Variants in ARMCX6 observed in about 807,000 individuals in gnomAD.
ARMCX6 encodes the protein armadillo repeat containing X-linked 6, also known as protein ARMCX6.
For synonymous variants in ARMCX6, 85 were observed against 70.3 expected, an observed-to-expected ratio of 1.21 and a Z score of -1.05; for missense variants, 194 against 186.0, an observed-to-expected ratio of 1.04 and a Z score of -0.25.
At chrX:101,617,325 C>G (rs781960540) in intron 2 of ARMCX6, 178 bp downstream of exon 2, 1 of 111,862 alleles carries the variant, frequency 8.9e-6, no homozygotes, top group Non-Finnish European at 1.9e-5. Flanking sequence ...CCCCACTTGT[C>G]GTCCGCCATT....
chrX:101,616,478 T>G lies in ARMCX6; in HGVS notation c.143A>C (p.Asp48Ala). ...EEEGEEEWDD[D>A]QELDEEEPDI... ...AGGCTCCTCCTCATCCAGCTCCTGGTCATCGTCCCACTCCTCTTCCCCCTC... is the reference window on the plus strand; with the variant it reads ...AGGCTCCTCCTCATCCAGCTCCTGGGCATCGTCCCACTCCTCTTCCCCCTC... Residue 48 changes from aspartate (D) to alanine (A), a missense_variant, in exon 3 of 3, where the codon GAC (aspartate) becomes GCC (alanine). Asp to Ala is a moderately radical substitution (Grantham distance 126, BLOSUM62 -2). Coordinates refer to ENST00000361910, the MANE Select transcript of ARMCX6 (RefSeq NM_019007.4). The G allele has an allele frequency of 3.3e-6, 4 of 1,211,531 alleles. No homozygotes were observed. The highest frequency in any genetic ancestry group is 4.5e-6 in the Non-Finnish European group (4 of 895,363).
Position 101,616,069 on chromosome X carries a change from T to G in ARMCX6, c.552A>C (p.Leu184Phe). 1 of 1,118,112 alleles carries G rather than the reference T, an allele frequency of 8.9e-7. No individual in the cohort carries two copies. The highest frequency in any genetic ancestry group is 1.2e-6 in the Non-Finnish European group (1 of 837,428). The allele number at this position is 1,118,112 out of a possible 1,213,427, so 92.1% of individuals were successfully genotyped here. ...VREALCAPDN[L>F]NASIESQGQI... The stretch of plus-strand genomic sequence containing the variant: ...GGCCCTGACTTTCAATACTCGCATT[T>G]AAGTTATCCGGGGCACACAAAGCCT... Residue 184 changes from leucine (L) to phenylalanine (F), a missense_variant, in exon 3 of 3, where the codon TTA (leucine) becomes TTC (phenylalanine). Leu to Phe is a conservative substitution (Grantham distance 22). Transcript: ENST00000361910.
At position 101,616,363 on chromosome X, in the gene ARMCX6, G is replaced by A; in HGVS notation, c.258C>T (p.Asp86=). The change falls in exon 3 of 3, where the codon GAC becomes GAT. Residue 86 remains aspartate, a synonymous_variant. Transcript: ENST00000361910. The part of the protein sequence containing the change: ...TEPGAPGGTE[D]RPSGGGKANR... The stretch of plus-strand genomic sequence containing the variant: ...TGGCCTTGCCTCCCCCTGAGGGCCT[G>A]TCCTCAGTGCCACCTGGGGCCCCAG... 1 of 1,211,701 alleles carries A rather than the reference G, an allele frequency of 8.3e-7. No individual in the cohort carries two copies. Among genetic ancestry groups the A allele is most frequent in the Non-Finnish European group, 1.1e-6 (1 of 895,481 alleles).
intron 2 of ARMCX6, 185 bp from the exon 3 acceptor site, chrX:101,616,951 G>T (rs1160009481): frequency 4.1e-6 from 1 of 242,969 alleles, no homozygotes; most frequent in Admixed American, 6.2e-5. Context: ...ACAGGGAAGG[G>T]CAGGAGATGG....
rs1556035878 is a variant in ARMCX6, at chrX:101,616,410, C to G, written c.211G>C (p.Glu71Gln). 8.3e-7 allele frequency: 1 copy of G among 1,211,807 alleles called. No individual in the cohort carries two copies. The highest frequency in any genetic ancestry group is 1.1e-6 in the Non-Finnish European group (1 of 895,504). ...CCAGGTTCAGTCCAATCCCCATCCT[C>G]AGTCCAGGGCCGAGCCATAGTTTCA... The part of the protein sequence containing the change: ...DFETMARPWT[E>Q]DGDWTEPGAP... The change falls in exon 3 of 3, where the codon GAG becomes CAG. Residue 71 changes from glutamate (E) to glutamine (Q), a missense_variant. Physicochemically the swap from Glu to Gln is conservative, Grantham distance 29. Coordinates refer to ENST00000361910, the MANE Select transcript of ARMCX6 (RefSeq NM_019007.4).
chrX:101,616,210 C>T lies in ARMCX6; in HGVS notation c.411G>A (p.Leu137=). 8.3e-7 allele frequency: 1 copy of T among 1,210,907 alleles called. No homozygotes were observed. The highest frequency in any genetic ancestry group is 1.8e-5 in the South Asian group (1 of 56,896). Residue 137 remains leucine (L), a synonymous_variant, in exon 3 of 3, where the codon CTG becomes CTA. Coordinates refer to ENST00000361910, the MANE Select transcript of ARMCX6 (RefSeq NM_019007.4). Reference sequence around the variant, plus strand: ...CCGCATCCTTGGGCTCGGCAAACAACAGTTTTCCCTGAATGAAAAGACACT... The same window carrying T: ...CCGCATCCTTGGGCTCGGCAAACAATAGTTTTCCCTGAATGAAAAGACACT... The part of the protein sequence containing the change: ...LSKCLFIQGK[L]LFAEPKDAGF...
rs1556036092 is a variant in ARMCX6, at chrX:101,616,648, G to A, written c.-28C>T. ...TCAAGTCTGTGCCAGCCTTGGGGCA[G>A]GACAGGAGAGGGCCTTGCTCCACCT... On this transcript the variant is annotated 5_prime_UTR_variant, in exon 3 of 3. Coordinates refer to ENST00000361910, the MANE Select transcript of ARMCX6 (RefSeq NM_019007.4). 8.4e-7 allele frequency: 1 copy of A among 1,188,063 alleles called. No homozygotes were observed. The highest frequency in any genetic ancestry group is 1.1e-6 in the Non-Finnish European group (1 of 882,004).
intron 2 of ARMCX6, 43 bp from the exon 3 acceptor site, chrX:101,616,809 C>G (rs1935825161): frequency 1.3e-6 from 1 of 763,861 alleles, no homozygotes; most frequent in Non-Finnish European, 1.8e-6. Context: ...CTATGTTTGG[C>G]TTTGTGCCTC....
At position 101,616,674 on chromosome X, in the gene ARMCX6, G is replaced by A; in HGVS notation, c.-54C>T. 2 of 1,166,436 alleles carry A rather than the reference G, an allele frequency of 1.7e-6. No homozygotes were observed. Among genetic ancestry groups the A allele is most frequent in the Non-Finnish European group, 2.3e-6 (2 of 871,896 alleles). ...GACAGGAGAGGGCCTTGCTCCACCTGATTGAAGAGGTCTCTCAGGTCCAGG... is the reference window on the plus strand; with the variant it reads ...GACAGGAGAGGGCCTTGCTCCACCTAATTGAAGAGGTCTCTCAGGTCCAGG... On this transcript the variant is annotated 5_prime_UTR_variant, in exon 3 of 3. Coordinates refer to ENST00000361910, the MANE Select transcript of ARMCX6 (RefSeq NM_019007.4).
At position 101,616,438 on chromosome X, in the gene ARMCX6, A is replaced by G; in HGVS notation, c.183T>C (p.Asp61=). 1 of 1,211,273 alleles carries G rather than the reference A, an allele frequency of 8.3e-7. No individual in the cohort carries two copies. Among genetic ancestry groups the G allele is most frequent in the East Asian group, 3.0e-5 (1 of 33,824 alleles). The change falls in exon 3 of 3, where the codon GAT becomes GAC. Residue 61 remains aspartate, a synonymous_variant. Transcript: ENST00000361910. Reference sequence around the variant, plus strand: ...TCCAGGGCCGAGCCATAGTTTCAAAATCAAACCAAATATCAGGCTCCTCCT... The same window carrying G: ...TCCAGGGCCGAGCCATAGTTTCAAAGTCAAACCAAATATCAGGCTCCTCCT... ...LDEEEPDIWF[D]FETMARPWTE...
chrX:101,616,688 C>CT lies in ARMCX6; in HGVS notation c.-69dup, dbSNP rs1422852484. The CT allele has an allele frequency of 8.7e-7, 1 of 1,154,894 alleles. No homozygotes were observed. Among genetic ancestry groups the CT allele is most frequent in the Non-Finnish European group, 1.2e-6 (1 of 867,095 alleles). On this transcript the variant is annotated 5_prime_UTR_variant, in exon 3 of 3. Coordinates refer to ENST00000361910, the MANE Select transcript of ARMCX6 (RefSeq NM_019007.4). ...TTGCTCCACCTGATTGAAGAGGTCT[C>CT]TCAGGTCCAGGGTGAGTAAGGATGG... is the stretch of plus-strand genomic sequence containing the variant.
In ARMCX6 at chrX:101,617,873, C is replaced by G. The variant is rs1201604780; in HGVS notation, c.-229+12G>C. On this transcript the variant is annotated intron_variant, in intron 1 of 2. Coordinates refer to ENST00000361910, the MANE Select transcript of ARMCX6 (RefSeq NM_019007.4). ...ATACCTCCTCTCAAGCAGCGCCCAC[C>G]CTCGCACCGACCTGCACGGTCCGAG... is the stretch of plus-strand genomic sequence containing the variant. The G allele has an allele frequency of 1.8e-5, 2 of 111,719 alleles. No homozygotes were observed. The highest frequency in any genetic ancestry group is 6.5e-5 in the African/African-American group (2 of 30,726). The allele number at this position is 111,719 out of a possible 1,213,427, so 9.2% of individuals were successfully genotyped here. A position where few individuals can be genotyped will look rare whatever the true frequency, so the allele number is the denominator to read the frequency against.
Position 101,616,666 on chromosome X carries a change from C to A in ARMCX6, c.-46G>T. On this transcript the variant is annotated 5_prime_UTR_variant, in exon 3 of 3. Coordinates refer to ENST00000361910, the MANE Select transcript of ARMCX6 (RefSeq NM_019007.4). ...TGGGGCAGGACAGGAGAGGGCCTTG[C>A]TCCACCTGATTGAAGAGGTCTCTCA... The A allele has an allele frequency of 8.5e-7, 1 of 1,174,441 alleles. No individual in the cohort carries two copies. The highest frequency in any genetic ancestry group is 2.0e-5 in the South Asian group (1 of 50,896).
chrX:101,616,336 G>A lies in ARMCX6; in HGVS notation c.285C>T (p.Asn95=), dbSNP rs1556035811. 1 of 1,209,411 alleles carries A rather than the reference G, an allele frequency of 8.3e-7. No individual in the cohort carries two copies. Among genetic ancestry groups the A allele is most frequent in the African/African-American group, 1.8e-5 (1 of 56,911 alleles). The change falls in exon 3 of 3, where the codon AAC becomes AAT. Residue 95 remains asparagine, a synonymous_variant. Coordinates refer to ENST00000361910, the MANE Select transcript of ARMCX6 (RefSeq NM_019007.4). ...GCCGCTGTTTTATTGGGTGTGCTCG[G>A]TTGGCCTTGCCTCCCCCTGAGGGCC... The part of the protein sequence containing the change: ...EDRPSGGGKA[N]RAHPIKQRPF...
rs782778566 is a variant in ARMCX6, at chrX:101,616,447, A to T, written c.174T>A (p.Ile58=). 1 of 1,211,055 alleles carries T rather than the reference A, an allele frequency of 8.3e-7. No homozygotes were observed. The highest frequency in any genetic ancestry group is 2.2e-5 in the Admixed American group (1 of 45,981). ...DQELDEEEPD[I]WFDFETMARP... is the part of the protein sequence containing the mutation. ...GAGCCATAGTTTCAAAATCAAACCAAATATCAGGCTCCTCCTCATCCAGCT... is the reference window on the plus strand; with the variant it reads ...GAGCCATAGTTTCAAAATCAAACCATATATCAGGCTCCTCCTCATCCAGCT... Residue 58 remains isoleucine (I), a synonymous_variant, in exon 3 of 3, where the codon ATT becomes ATA. Coordinates refer to ENST00000361910, the MANE Select transcript of ARMCX6 (RefSeq NM_019007.4).
rs782597772 is a variant in ARMCX6, at chrX:101,616,629, C to G, written c.-9G>C. The G allele has an allele frequency of 2.5e-6, 3 of 1,200,328 alleles. No individual in the cohort carries two copies. Among genetic ancestry groups the G allele is most frequent in the Admixed American group, 2.2e-5 (1 of 45,483 alleles). On this transcript the variant is annotated 5_prime_UTR_variant, in exon 3 of 3. Coordinates refer to ENST00000361910, the MANE Select transcript of ARMCX6 (RefSeq NM_019007.4). ...TCCCGAGCCCGGCCCATGCTCAAGT[C>G]TGTGCCAGCCTTGGGGCAGGACAGG...
rs1203648807 is a variant in ARMCX6 at position 101,617,907 on chromosome X, C to T, written c.-251G>A. ...GACCTGCACGGTCCGAGCTAGTTTC[C>T]TTCTTTCTTCACACGCCTGCAGAGT... On this transcript the variant is annotated 5_prime_UTR_variant, in exon 1 of 3. Coordinates refer to ENST00000361910, the MANE Select transcript of ARMCX6 (RefSeq NM_019007.4). The T allele has an allele frequency of 9.0e-6, 1 of 111,692 alleles. No homozygotes were observed. The highest frequency in any genetic ancestry group is 2.8e-4 in the East Asian group (1 of 3,534). 9.2% of individuals were successfully genotyped at this position (111,692 alleles called of 1,213,427 possible). A position where few individuals can be genotyped will look rare whatever the true frequency, so the allele number is the denominator to read the frequency against.
At chrX:101,617,743 G>A (rs1935848648) in intron 1 of ARMCX6, 142 bp downstream of exon 1, 1 of 110,514 alleles carries the variant, frequency 9.0e-6, no homozygotes, top group Non-Finnish European at 1.9e-5. Flanking sequence ...ATGAGCACGG[G>A]GTGGGGTGGG....
At chrX:101,616,944 G>A in intron 2 of ARMCX6, 178 bp from the exon 3 acceptor site, 1 of 254,536 alleles carries the variant, frequency 3.9e-6, no homozygotes, top group Non-Finnish European at 6.9e-6. Flanking sequence ...TGGGTCCACA[G>A]GGAAGGGCAG....
Sources: gnomAD v4.1 joint callset for allele counts on GRCh38, gnomAD v4.1.1 for gene constraint, MANE v1.5 for transcripts, NCBI Gene and HGNC (gene_info 2026-07-23, HGNC 2026-07-21) for gene names.